Variants in C9orf153 observed in about 807,000 individuals in gnomAD.
C9orf153 encodes chromosome 9 open reading frame 153.
A neutral mutation model predicts 9.0 loss-of-function variants in C9orf153; 10 were observed. That is an observed-to-expected ratio of 1.11 (90% CI 0.69 to 1.89). The LOEUF (loss-of-function observed/expected upper bound fraction) is 1.89. Ranked by LOEUF, C9orf153 falls within the 40% of genes most tolerant of loss-of-function variation. The probability of loss-of-function intolerance (pLI) is 0.00; values close to 1 mark genes in which losing one functional copy is unlikely to be tolerated. For synonymous variants in C9orf153, 35 were observed against 37.3 expected, an observed-to-expected ratio of 0.94 and a Z score of 0.23; for missense variants, 108 against 111.0, an observed-to-expected ratio of 0.97 and a Z score of 0.12.
rs111404575 is a variant in C9orf153 at position 86,237,424 on chromosome 9, A to T, written c.-26-7795T>A. Among the ~76,000 whole-genome samples, 787 of 150,632 alleles carry T rather than the reference A, an allele frequency of 5.2e-3. 7 individuals carry two copies. The highest frequency in any genetic ancestry group is 0.017 in the African/African-American group (720 of 41,256). The stretch of plus-strand genomic sequence containing the variant: ...GTGGACCAAAAAGAAGACCCAATTA[A>T]TTATATGTTGTCTACAAGACACACA... On this transcript the variant is annotated intron_variant, in intron 1 of 3. Transcript: ENST00000339137.
chr9:86,237,678 T>C lies in C9orf153; in HGVS notation c.-26-8049A>G, dbSNP rs534193393. Among the ~76,000 whole-genome samples the C allele has an allele frequency of 5.8e-3, 890 of 152,262 alleles. 7 individuals are homozygous for C. Among genetic ancestry groups the C allele is most frequent in the African/African-American group, 0.02 (822 of 41,544 alleles). On this transcript the variant is annotated intron_variant, in intron 1 of 3. Coordinates refer to ENST00000339137, the MANE Select transcript of C9orf153 (RefSeq NM_001276366.4). ...TGAAAGAATACAGGAGCTATACTGATTTCAGAGCAAGAAAATTTATCAGAG... is the reference window on the plus strand; with the variant it reads ...TGAAAGAATACAGGAGCTATACTGACTTCAGAGCAAGAAAATTTATCAGAG...
At chr9:86,241,750 C>T (rs889794576) in intron 1 of C9orf153, among the ~76,000 whole-genome samples, 4 of 152,078 alleles carry the variant, frequency 2.6e-5, no homozygotes, top group Admixed American at 2.6e-4. Context: ...CTCAGCCTCC[C>T]AAGTAGCTGG....
intron 1 of C9orf153, among the ~76,000 whole-genome samples, chr9:86,247,110 G>T (rs1332189741): frequency 2.6e-5 from 4 of 152,194 alleles, no homozygotes; most frequent in African/African-American, 7.2e-5. Flanking sequence ...ACTACACAGT[G>T]GGCCAGAGAT....
At chr9:86,247,617 C>T (rs1824899068) in intron 1 of C9orf153, among the ~76,000 whole-genome samples, 1 of 152,148 alleles carries the variant, frequency 6.6e-6, no homozygotes, top group African/African-American at 2.4e-5. Context: ...GAGACTGAGG[C>T]TGTAGTAAGC....
At chr9:86,253,699 A>G (rs146249905) in intron 1 of C9orf153, among the ~76,000 whole-genome samples, 392 of 152,286 alleles carry the variant, frequency 2.6e-3, no homozygotes, top group African/African-American at 8.8e-3. Flanking sequence ...CGCTCAAGAG[A>G]TCTTCCCACT....
intron 1 of C9orf153, among the ~76,000 whole-genome samples, chr9:86,231,867 A>G (rs974767328): frequency 8.5e-5 from 13 of 152,180 alleles, no homozygotes; most frequent in African/African-American, 3.1e-4. Flanking sequence ...AAACCTGTCA[A>G]TGTCTTCCAG....
intron 1 of C9orf153, among the ~76,000 whole-genome samples, chr9:86,257,747 C>G (rs908624827): frequency 6.6e-6 from 1 of 152,158 alleles, no homozygotes; most frequent in Non-Finnish European, 1.5e-5. Context: ...ACAACCAGAA[C>G]TGAAAATATG....
At chr9:86,238,443 A>G (rs1193411765) in intron 1 of C9orf153, among the ~76,000 whole-genome samples, 1 of 152,254 alleles carries the variant, frequency 6.6e-6, no homozygotes, top group Admixed American at 6.5e-5. Context: ...CTGTTCTCAT[A>G]CTACAGTGGA....
chr9:86,228,978 C>A, intron 2 of C9orf153: 1 of 271,422 alleles, frequency 3.7e-6, no homozygotes, highest in South Asian at 6.2e-5. Flanking sequence ...ACGCCAACTT[C>A]AAGTAAGAGG....
At chr9:86,242,487 A>T (rs964186303) in intron 1 of C9orf153, among the ~76,000 whole-genome samples, 1 of 152,152 alleles carries the variant, frequency 6.6e-6, no homozygotes, top group Non-Finnish European at 1.5e-5. Context: ...GCTGCCATGT[A>T]CAGCTTATAA....
rs559195627 is a variant in C9orf153, at chr9:86,242,377, C to T, written c.-26-12748G>A. Among the ~76,000 whole-genome samples, 805 of 151,796 alleles carry T rather than the reference C, an allele frequency of 5.3e-3. 8 individuals carry two copies. Among genetic ancestry groups the T allele is most frequent in the African/African-American group, 0.019 (776 of 41,426 alleles). ...TTACATTCTTTTTTTTTTCTGCTGCCGCAAGACTTTCTTTGTGCAGCAGGC... is the reference window on the plus strand; with the variant it reads ...TTACATTCTTTTTTTTTTCTGCTGCTGCAAGACTTTCTTTGTGCAGCAGGC... On this transcript the variant is annotated intron_variant, in intron 1 of 3. Transcript: ENST00000339137.
intron 3 of C9orf153, among the ~76,000 whole-genome samples, chr9:86,224,991 T>C (rs971119429): frequency 2.7e-5 from 4 of 147,876 alleles, no homozygotes; most frequent in Non-Finnish European, 6.0e-5. Flanking sequence ...TGCGTACCCC[T>C]AGACTTCTAA....
At chr9:86,252,318 G>A (rs1564004471) in intron 1 of C9orf153, among the ~76,000 whole-genome samples, 1 of 152,118 alleles carries the variant, frequency 6.6e-6, no homozygotes, top group Non-Finnish European at 1.5e-5. Context: ...ACAAGTGTGA[G>A]CCCCCACACC....
chr9:86,239,741 T>C lies in C9orf153; in HGVS notation c.-26-10112A>G, dbSNP rs1824690398. Among the ~76,000 whole-genome samples the C allele has an allele frequency of 2.0e-5, 3 of 152,226 alleles. No homozygotes were observed. The South Asian group carries it at 6.2e-4, about 31-fold the overall frequency. ...GAATTTACTAAAAATCACTGAATTG[T>C]ATGCTAAAAAGAGTGAGTTTTATCT... On this transcript the variant is annotated intron_variant, in intron 1 of 3. Transcript: ENST00000339137.
Position 86,242,836 on chromosome 9 carries a change from G to A in C9orf153, c.-26-13207C>T, listed in dbSNP as rs144252980. On this transcript the variant is annotated intron_variant, in intron 1 of 3. Transcript: ENST00000339137. ...TGGGATTACAAGTACCCACCACCAC[G>A]CCCAGCTAATTTTTGTATTTTTAGT... Among the ~76,000 whole-genome samples, 984 of 152,092 alleles carry A rather than the reference G, an allele frequency of 6.5e-3. 11 individuals carry two copies. Among genetic ancestry groups the A allele is most frequent in the Middle Eastern group, 0.024 (7 of 294 alleles).
intron 1 of C9orf153, among the ~76,000 whole-genome samples, chr9:86,236,489 C>T (rs35820137): frequency 0.013 from 1,843 of 142,280 alleles, 11 homozygotes; most frequent in Middle Eastern, 0.022. Flanking sequence ...GCAGAGGTTG[C>T]AGTGAGCCGA....
At chr9:86,226,992 C>T (rs1824351933) in intron 3 of C9orf153, among the ~76,000 whole-genome samples, 1 of 152,176 alleles carries the variant, frequency 6.6e-6, no homozygotes, top group Non-Finnish European at 1.5e-5. Context: ...TCCCGAACTC[C>T]TGACCTCAGG....
intron 1 of C9orf153, among the ~76,000 whole-genome samples, chr9:86,238,210 G>A (rs188984643): frequency 2.6e-5 from 4 of 152,270 alleles, no homozygotes; most frequent in African/African-American, 9.6e-5. Context: ...CCCCTCTATC[G>A]AAAATGGACA....
At chr9:86,249,271 T>C (rs1824939471) in intron 1 of C9orf153, among the ~76,000 whole-genome samples, 1 of 152,188 alleles carries the variant, frequency 6.6e-6, no homozygotes, top group African/African-American at 2.4e-5. Flanking sequence ...TGGACAGCCA[T>C]TCAGAGACTG....
Sources: gnomAD v4.1 joint callset for allele counts (sites outside exome capture counted in the v4.1 genomes callset) on GRCh38, gnomAD v4.1.1 for gene constraint, MANE v1.5 for transcripts, NCBI Gene and HGNC (gene_info 2026-07-23, HGNC 2026-07-21) for gene names.